The following MTHFD1 variants were observed in gnomAD, a reference collection of about 807,000 sequenced individuals.
The protein encoded by MTHFD1 is methylenetetrahydrofolate dehydrogenase, cyclohydrolase and formyltetrahydrofolate synthetase 1, also known as C-1-tetrahydrofolate synthase, cytoplasmic.
Under a neutral mutation model 110.3 loss-of-function variants are expected in MTHFD1, and 44 were observed. The observed-to-expected ratio is 0.40, with a 90% CI of 0.31 to 0.51. The LOEUF is 0.51. Ranked by LOEUF, MTHFD1 falls within the 20% of genes least tolerant of loss-of-function variation. The probability of loss-of-function intolerance (pLI) is 0.60; values close to 1 mark genes in which losing one functional copy is unlikely to be tolerated. For missense variants in MTHFD1, 909 were observed against 1,173.1 expected (o/e 0.77, Z 3.29); for synonymous variants, 402 against 428.8 (o/e 0.94, Z 0.77).
intron 26 of MTHFD1, among the ~76,000 whole-genome samples, chr14:64,457,174 C>T (rs1257622939): frequency 6.6e-6 from 1 of 152,208 alleles, no homozygotes; most frequent in Non-Finnish European, 1.5e-5. Context: ...TTAAAGGATA[C>T]TAACTCCTAC....
chr14:64,407,795 A>G (rs888299590), intron 2 of MTHFD1, among the ~76,000 whole-genome samples: 5 of 151,794 alleles, frequency 3.3e-5, no homozygotes, highest in Non-Finnish European at 7.4e-5. Context: ...CAATCCACAC[A>G]CCTTGACCTC....
At chr14:64,414,286 C>CTTTTTTTTTTTTTTT (rs3062425) in intron 4 of MTHFD1, among the ~76,000 whole-genome samples, 1 of 86,468 alleles carries the variant, frequency 1.2e-5, no homozygotes, top group African/African-American at 4.8e-5. Flanking sequence ...CCTGTCCCCG[C>CTTTTTTTTTTTTTTT]TTTTTTTTTT....
intron 22 of MTHFD1, 123 bp downstream of exon 22, chr14:64,444,857 A>C: frequency 1.0e-6 from 1 of 1,004,936 alleles, no homozygotes; most frequent in Non-Finnish European, 1.6e-6. Context: ...AGGGTGCCAA[A>C]AGGCCTGCAG....
chr14:64,421,140 T>A (rs1396447565), intron 8 of MTHFD1, among the ~76,000 whole-genome samples: 2 of 152,166 alleles, frequency 1.3e-5, no homozygotes, highest in East Asian at 3.9e-4. Flanking sequence ...TGATTTCCCC[T>A]TATCAAGGGA....
chr14:64,455,495 G>A (rs2078456766), intron 26 of MTHFD1, among the ~76,000 whole-genome samples: 1 of 152,176 alleles, frequency 6.6e-6, no homozygotes, highest in African/African-American at 2.4e-5. Context: ...GGGGAGGGAT[G>A]CTTAAGGACA....
At chr14:64,429,459 T>A (rs1311711504) in intron 12 of MTHFD1, among the ~76,000 whole-genome samples, 3 of 151,810 alleles carry the variant, frequency 2.0e-5, no homozygotes, top group Non-Finnish European at 2.9e-5. Flanking sequence ...CCATGCTTGG[T>A]GTCCTGAACA....
chr14:64,446,227 A>C (rs1312044268), intron 22 of MTHFD1, among the ~76,000 whole-genome samples: 2 of 152,192 alleles, frequency 1.3e-5, no homozygotes, highest in Non-Finnish European at 2.9e-5. Flanking sequence ...GACATTTAAA[A>C]ATTTTTCATG....
intron 2 of MTHFD1, among the ~76,000 whole-genome samples, chr14:64,402,741 C>T (rs1415303260): frequency 6.0e-5 from 9 of 151,254 alleles, no homozygotes; most frequent in Non-Finnish European, 1.2e-4. Context: ...CCCAGGAAGT[C>T]GAGGCTGCAG....
intron 22 of MTHFD1, among the ~76,000 whole-genome samples, chr14:64,447,024 G>C (rs1393114832): frequency 6.6e-6 from 1 of 151,958 alleles, no homozygotes; most frequent in Non-Finnish European, 1.5e-5. Context: ...ATTTTTTGTA[G>C]AGACGGGGTC....
At chr14:64,453,732 C>G in intron 24 of MTHFD1, 22 bp from the exon 25 acceptor site, 2 of 1,403,290 alleles carry the variant, frequency 1.4e-6, no homozygotes, top group Non-Finnish European at 2.0e-6. Flanking sequence ...CATGGTGTCC[C>G]CATCTCTTTC....
At chr14:64,458,989 C>T (rs1170724372) in intron 27 of MTHFD1, among the ~76,000 whole-genome samples, 1 of 152,052 alleles carries the variant, frequency 6.6e-6, no homozygotes, top group East Asian at 1.9e-4. Context: ...TCTCCAGAGA[C>T]GAAAAAAGTG....
chr14:64,409,038 C>T (rs928537127), intron 2 of MTHFD1, among the ~76,000 whole-genome samples: 1 of 152,162 alleles, frequency 6.6e-6, no homozygotes, highest in African/African-American at 2.4e-5. Flanking sequence ...CTTTGACATA[C>T]GCTCATAACT....
rs2078055669 is a variant in MTHFD1 at position 64,419,929 on chromosome 14, A to G, written c.727+4A>G. On this transcript the variant is annotated splice_donor_region_variant and intron_variant, in intron 8 of 27. Coordinates refer to ENST00000652337, the MANE Select transcript of MTHFD1 (RefSeq NM_005956.4). Reference sequence around the variant, plus strand: ...TGTGGAATCAATTATGTCCCAGGTGAGTGTTGTTGGAGGAGTAAGGTGGCT... The same window carrying G: ...TGTGGAATCAATTATGTCCCAGGTGGGTGTTGTTGGAGGAGTAAGGTGGCT... 5 of 1,603,402 alleles carry G rather than the reference A, an allele frequency of 3.1e-6. No homozygotes were observed. Among genetic ancestry groups the G allele is most frequent in the African/African-American group, 1.3e-5 (1 of 74,700 alleles).
At chr14:64,396,844 C>T (rs1040258340) in intron 1 of MTHFD1, among the ~76,000 whole-genome samples, 1 of 149,986 alleles carries the variant, frequency 6.7e-6, no homozygotes, top group Non-Finnish European at 1.5e-5. Flanking sequence ...GTGGCTCACT[C>T]CTGTAATCCC....
chr14:64,425,859 T>C (rs757886302), intron 10 of MTHFD1, 32 bp downstream of exon 10: 85 of 1,603,528 alleles, frequency 5.3e-5, no homozygotes, highest in Middle Eastern at 3.3e-4. Context: ...TTTAAAACTT[T>C]GTGAATTGTT....
intron 24 of MTHFD1, among the ~76,000 whole-genome samples, chr14:64,452,724 A>G (rs923402230): frequency 2.0e-5 from 3 of 152,124 alleles, no homozygotes; most frequent in Admixed American, 6.6e-5. Flanking sequence ...CACTTAATCA[A>G]TTGTGTTAAG....
chr14:64,401,700 C>CAA (rs34004524), intron 2 of MTHFD1, among the ~76,000 whole-genome samples: 10,586 of 138,382 alleles, frequency 0.076, 497 homozygotes, highest in Non-Finnish European at 0.094. Context: ...GATTCCGTCT[C>CAA]AAAAAAAAAA....
intron 27 of MTHFD1, 114 bp downstream of exon 27, chr14:64,458,421 C>A (rs1039853219): frequency 6.4e-6 from 5 of 781,434 alleles, no homozygotes; most frequent in Admixed American, 5.7e-5. Flanking sequence ...CAAAACATTT[C>A]TTTTCAGACT....
chr14:64,426,616 G>A (rs2078121256), intron 11 of MTHFD1, among the ~76,000 whole-genome samples: 1 of 152,046 alleles, frequency 6.6e-6, no homozygotes, highest in Non-Finnish European at 1.5e-5. Context: ...GACTACAGGT[G>A]CAAGGCACCA....
Sources: allele counts gnomAD v4.1 joint callset (sites outside exome capture counted in the v4.1 genomes callset), GRCh38; gene constraint gnomAD v4.1.1; transcripts MANE v1.5; gene names NCBI Gene and HGNC (gene_info 2026-07-23, HGNC 2026-07-21).